The following ATAD2B variants were observed in gnomAD, a reference collection of about 807,000 sequenced individuals.
ATAD2B encodes ATPase family AAA domain containing 2B, also known as ATPase family AAA domain-containing protein 2B.
In ATAD2B, 40 loss-of-function variants were observed where a neutral mutation model predicts 167.6. The observed-to-expected ratio is 0.24, with a 90% CI of 0.19 to 0.31. The LOEUF is 0.31. ATAD2B is among the 10% of genes least tolerant of loss of function. ATAD2B has a pLI of 1.00. For synonymous variants in ATAD2B, 579 were observed against 596.5 expected (o/e 0.97, Z 0.43); for missense variants, 1,242 against 1,757.2 (o/e 0.71, Z 5.24).
the ATAD2B span, among the ~76,000 whole-genome samples, chr2:23,713,897 C>G: frequency 6.6e-6 from 1 of 152,128 alleles, no homozygotes; most frequent in Non-Finnish European, 1.5e-5. Flanking sequence ...CTGCTATGAA[C>G]AGTGGTATAC....
chr2:23,718,324 C>A, the ATAD2B span, among the ~76,000 whole-genome samples: 2 of 152,206 alleles, frequency 1.3e-5, no homozygotes, highest in African/African-American at 4.8e-5. Flanking sequence ...AAAGCATTAG[C>A]CTCCTCACAG....
the ATAD2B span, chr2:23,690,547 G>A: frequency 6.6e-6 from 1 of 152,296 alleles, no homozygotes; most frequent in African/African-American, 2.4e-5. Context: ...TGAGAAGCGA[G>A]TGAGTGGACC....
chr2:23,706,603 T>G, the ATAD2B span: 6 of 1,536,914 alleles, frequency 3.9e-6, no homozygotes, highest in Non-Finnish European at 5.2e-6. Context: ...CTCCCCCACA[T>G]GCCCTGCCCT....
chr2:23,768,667 T>C (rs908685769), intron 22 of ATAD2B, among the ~76,000 whole-genome samples: 1 of 152,162 alleles, frequency 6.6e-6, no homozygotes, highest in Non-Finnish European at 1.5e-5. Context: ...CAGCCCTCTA[T>C]TCCCAAGCAA....
At chr2:23,715,468 G>T in the ATAD2B span, among the ~76,000 whole-genome samples, 1 of 152,052 alleles carries the variant, frequency 6.6e-6, no homozygotes, top group African/African-American at 2.4e-5. Flanking sequence ...CAGCTACTCG[G>T]GAGGCTGAGG....
At chr2:23,889,207 G>A (rs909285075) in intron 2 of ATAD2B, among the ~76,000 whole-genome samples, 7 of 151,926 alleles carry the variant, frequency 4.6e-5, no homozygotes, top group South Asian at 2.1e-4. Flanking sequence ...TTGCTCTGTC[G>A]CCCAGGCTGG....
chr2:23,834,358 C>T (rs569556358), intron 13 of ATAD2B, among the ~76,000 whole-genome samples: 9 of 151,786 alleles, frequency 5.9e-5, no homozygotes, highest in African/African-American at 1.4e-4. Flanking sequence ...GATGGGGTTT[C>T]GCTATATTGG....
chr2:23,746,372 A>G (rs1218927643), downstream of ATAD2B, among the ~76,000 whole-genome samples: 1 of 152,220 alleles, frequency 6.6e-6, no homozygotes, highest in African/African-American at 2.4e-5. Context: ...AGGTTCTTGT[A>G]AAGATGAAAA....
chr2:23,835,166 G>C lies in ATAD2B; in HGVS notation c.1569-1088C>G, dbSNP rs2712048. Among the ~76,000 whole-genome samples the C allele has an allele frequency of 9.7e-4, 148 of 152,224 alleles. 1 individual carries two copies. Among genetic ancestry groups the C allele is most frequent in the Non-Finnish European group, 1.4e-3 (96 of 68,056 alleles). On this transcript the variant is annotated intron_variant, in intron 13 of 27. Transcript: ENST00000238789. ...GAGTATTGCAGTTCCTCTGTTAAAC[G>C]TAAGAGTTGCCAAATGATCCAGCAA... is the stretch of plus-strand genomic sequence containing the variant.
chr2:23,726,237 C>T, the ATAD2B span, among the ~76,000 whole-genome samples: 2 of 152,134 alleles, frequency 1.3e-5, no homozygotes, highest in South Asian at 4.1e-4. Context: ...CTGACCCTTC[C>T]ACAACATGAG....
At chr2:23,703,423 C>T in the ATAD2B span, 1 of 1,403,998 alleles carries the variant, frequency 7.1e-7, no homozygotes, top group East Asian at 2.6e-5. Context: ...GGGTCGCATC[C>T]CTGCCTTGCT....
At position 23,752,104 on chromosome 2, in the gene ATAD2B, A is replaced by G; in HGVS notation, c.4336-17T>C. ...TTCCATCTCCTATAAAAGGAAAAAAAATGCATGTTATCTATTAAGGGAAAG... is the reference window on the plus strand; with the variant it reads ...TTCCATCTCCTATAAAAGGAAAAAAGATGCATGTTATCTATTAAGGGAAAG... On this transcript the variant is annotated splice_polypyrimidine_tract_variant and intron_variant, in intron 27 of 27. Coordinates refer to ENST00000238789, the MANE Select transcript of ATAD2B (RefSeq NM_017552.4). 6.5e-7 allele frequency: 1 copy of G among 1,526,914 alleles called. No individual in the cohort carries two copies. Among genetic ancestry groups the G allele is most frequent in the East Asian group, 2.4e-5 (1 of 41,852 alleles). The allele number at this position is 1,526,914 out of a possible 1,614,324, so 94.6% of individuals were successfully genotyped here.
chr2:23,742,167 C>T, the ATAD2B span, among the ~76,000 whole-genome samples: 1 of 152,172 alleles, frequency 6.6e-6, no homozygotes, highest in East Asian at 1.9e-4. Flanking sequence ...GGACCTAGAA[C>T]TAGCAATACC....
intron 15 of ATAD2B, among the ~76,000 whole-genome samples, chr2:23,825,952 T>C (rs1269124810): frequency 6.6e-6 from 1 of 152,192 alleles, no homozygotes; most frequent in African/African-American, 2.4e-5. Context: ...CCCCATTTAA[T>C]GAAGTAGATT....
chr2:23,874,006 G>C (rs1381279163), intron 8 of ATAD2B, among the ~76,000 whole-genome samples: 1 of 151,808 alleles, frequency 6.6e-6, no homozygotes, highest in South Asian at 2.1e-4. Flanking sequence ...GACCAACATG[G>C]TGAAACCCAG....
At chr2:23,681,755 A>G in the ATAD2B span, among the ~76,000 whole-genome samples, 2 of 152,172 alleles carry the variant, frequency 1.3e-5, no homozygotes, top group Non-Finnish European at 2.9e-5. This position sits in a 1 kb window ranked among gnomAD's most constrained non-coding sequence, Gnocchi z 4.2. Context: ...ATCCCAGCCC[A>G]GAATTCTGTC....
At chr2:23,745,417 G>GAAGGAAGGAAGGAAGGAAGGAAGA (rs1553367898), downstream of ATAD2B, among the ~76,000 whole-genome samples, 5 of 113,336 alleles carry the variant, frequency 4.4e-5, no homozygotes, top group African/African-American at 1.9e-4. Context: ...AGGAAGGAAG[G>GAAGGAAGGAAGGAAGGAAGGAAGA]AAGGAAAGGG....
At chr2:23,915,322 G>C (rs1451821261) in intron 1 of ATAD2B, among the ~76,000 whole-genome samples, 1 of 151,616 alleles carries the variant, frequency 6.6e-6, no homozygotes, top group African/African-American at 2.4e-5. Flanking sequence ...AATTATTTTG[G>C]GACAAGCATA....
At chr2:23,901,606 T>C (rs1022862387) in intron 1 of ATAD2B, among the ~76,000 whole-genome samples, 1 of 152,070 alleles carries the variant, frequency 6.6e-6, no homozygotes, top group African/African-American at 2.4e-5. Context: ...ACAAACAAAA[T>C]TTCTGGAAAT....
Sources: gnomAD v4.1 joint callset for allele counts (sites outside exome capture counted in the v4.1 genomes callset) on GRCh38, gnomAD v4.1.1 for gene constraint, Gnocchi (gnomAD v3.1) non-coding constraint, MANE v1.5 for transcripts, NCBI Gene and HGNC (gene_info 2026-07-23, HGNC 2026-07-21) for gene names.